Variants in PDXDC1 observed in about 807,000 individuals in gnomAD.
PDXDC1 encodes the protein pyridoxal-dependent decarboxylase domain-containing protein 1.
PDXDC1 carries 42 observed loss-of-function variants against 100.1 expected under a neutral mutation model. The observed-to-expected ratio is 0.42, with a 90% CI of 0.33 to 0.54. The LOEUF is 0.54. Among genes scored for constraint, PDXDC1 ranks in the 20% least tolerant of loss-of-function variants. The pLI, the probability that PDXDC1 is intolerant of heterozygous loss-of-function variation, is 0.10. For missense variants in PDXDC1, 636 were observed against 979.2 expected, an observed-to-expected ratio of 0.65 and a Z score of 4.68; for synonymous variants, 260 against 371.7, an observed-to-expected ratio of 0.70 and a Z score of 3.46.
intron 5 of PDXDC1, among the ~76,000 whole-genome samples, chr16:15,005,435 CA>C (rs2151394428): frequency 6.6e-6 from 1 of 152,388 alleles, no homozygotes; most frequent in South Asian, 2.1e-4. Context: ...CAGTAGGAGA[CA>C]TAGGACTAGT....
chr16:15,146,265 A>G, the PDXDC1 span, among the ~76,000 whole-genome samples: 1 of 152,102 alleles, frequency 6.6e-6, no homozygotes, highest in South Asian at 2.1e-4. Flanking sequence ...TCGAGGCTCA[A>G]GCTTGGCACA....
At chr16:15,101,231 G>A (rs751919556) in intron 16 of PDXDC1, among the ~76,000 whole-genome samples, 3 of 152,200 alleles carry the variant, frequency 2.0e-5, no homozygotes, top group Non-Finnish European at 4.4e-5. Context: ...CTGTAAATAT[G>A]AAATATACTA....
At chr16:15,016,683 T>C (rs528199260) in intron 9 of PDXDC1, among the ~76,000 whole-genome samples, 79 of 152,362 alleles carry the variant, frequency 5.2e-4, no homozygotes, top group Non-Finnish European at 9.6e-4. Flanking sequence ...TGGTGTCTCC[T>C]CCCCACAAAG....
Position 15,007,264 on chromosome 16 carries a change from G to A in PDXDC1, c.579+681G>A, listed in dbSNP as rs373278606. On this transcript the variant is annotated intron_variant, in intron 6 of 22. Transcript: ENST00000396410. ...CGGCTCACTGCAAGCTCCGCCTCCCGGATTCATGCCATTCTCCTGCCTCAG... is the reference window on the plus strand; with the variant it reads ...CGGCTCACTGCAAGCTCCGCCTCCCAGATTCATGCCATTCTCCTGCCTCAG... 1.9e-4 allele frequency among the ~76,000 whole-genome samples: 28 copies of A among 145,558 alleles called. No homozygotes were observed. The Middle Eastern group carries it at 0.011, about 59-fold the overall frequency.
chr16:15,066,712 A>C (rs1464453414), intron 16 of PDXDC1, among the ~76,000 whole-genome samples: 2 of 151,602 alleles, frequency 1.3e-5, no homozygotes, highest in Admixed American at 6.6e-5. Flanking sequence ...CCAGAACATA[A>C]CACAGCAGTT....
intron 16 of PDXDC1, among the ~76,000 whole-genome samples, chr16:15,030,544 C>CAAA (rs1156634836): frequency 0.029 from 1,095 of 38,206 alleles, 126 homozygotes; most frequent in East Asian, 0.14. Context: ...GACTCCATCT[C>CAAA]AAAAAAAAAA....
chr16:15,087,472 C>A (rs567427057), intron 16 of PDXDC1, among the ~76,000 whole-genome samples: 2 of 152,216 alleles, frequency 1.3e-5, no homozygotes, highest in Non-Finnish European at 2.9e-5. Flanking sequence ...CCGTCCCACA[C>A]GCCTCCCTAT....
In PDXDC1 at chr16:15,038,104, G is replaced by A. The variant is rs772288495; in HGVS notation, c.*1829G>A. The A allele has an allele frequency of 3.0e-5, 48 of 1,612,526 alleles. No individual in the cohort carries two copies. The highest frequency in any genetic ancestry group is 3.9e-5 in the Non-Finnish European group (46 of 1,178,778). On this transcript the variant is annotated 3_prime_UTR_variant, in exon 23 of 23. Transcript: ENST00000396410. ...TTTGTAGAGTAGGGCTTTATTTCCA[G>A]AAAACAGTGTGTGAGCTGGAGATGG...
chr16:15,018,109 CGTA>C (rs1257453832), intron 11 of PDXDC1, among the ~76,000 whole-genome samples: 1 of 144,606 alleles, frequency 6.9e-6, no homozygotes, highest in Non-Finnish European at 1.5e-5. Flanking sequence ...TTTTTTTAAT[CGTA>C]GTTGTGGGCC....
chr16:15,030,716 G>C (rs1008434997), intron 16 of PDXDC1, among the ~76,000 whole-genome samples: 25 of 151,526 alleles, frequency 1.6e-4, no homozygotes, highest in Non-Finnish European at 1.0e-4. Context: ...CCGAGGAGTT[G>C]GGACCACAGG....
At chr16:15,007,372 C>G (rs2040872942) in intron 6 of PDXDC1, among the ~76,000 whole-genome samples, 1 of 152,228 alleles carries the variant, frequency 6.6e-6, no homozygotes, top group Non-Finnish European at 1.5e-5. Context: ...GATGGGGTTT[C>G]ACCGTGTTAG....
At chr16:15,150,347 C>T in the PDXDC1 span, among the ~76,000 whole-genome samples, 21 of 141,210 alleles carry the variant, frequency 1.5e-4, no homozygotes, top group South Asian at 2.4e-4. Flanking sequence ...TCTCAAATAA[C>T]AATAAATAAA....
chr16:15,131,219 C>T (rs2048039797), intron 16 of PDXDC1: 2 of 1,590,494 alleles, frequency 1.3e-6, no homozygotes, highest in Non-Finnish European at 1.7e-6. Flanking sequence ...TGGCCCCGGG[C>T]AGCCCAGTCC....
intron 16 of PDXDC1, among the ~76,000 whole-genome samples, chr16:15,050,802 C>G (rs117260760): frequency 0.011 from 1,720 of 152,204 alleles, 16 homozygotes; most frequent in Non-Finnish European, 0.018. Flanking sequence ...TGATTACTTA[C>G]ATGGTGTTTT....
intron 2 of PDXDC1, among the ~76,000 whole-genome samples, chr16:14,998,042 T>G (rs1407227716): frequency 2.4e-4 from 36 of 152,288 alleles, no homozygotes; most frequent in African/African-American, 7.7e-4. Context: ...TTCTGTCTAT[T>G]AAGAGTTTCA....
downstream of PDXDC1, among the ~76,000 whole-genome samples, chr16:15,139,894 G>A (rs959299532): frequency 2.6e-5 from 4 of 152,030 alleles, no homozygotes; most frequent in African/African-American, 7.2e-5. Context: ...TCAAGAGATC[G>A]AGACCATCCT....
chr16:15,040,398 GA>G, downstream of PDXDC1: 1 of 286,310 alleles, frequency 3.5e-6, no homozygotes, highest in Non-Finnish European at 6.4e-6. Context: ...GTGGCTGGGT[GA>G]ACTGTGATCG....
intron 16 of PDXDC1, chr16:15,130,249 C>T (rs1376749973): frequency 5.8e-6 from 9 of 1,548,274 alleles, no homozygotes; most frequent in Admixed American, 3.9e-5. Flanking sequence ...AGGCTGGCGC[C>T]GAAGGCGGTG....
In PDXDC1 at chr16:14,988,884, G is replaced by C. The variant is rs557890059; in HGVS notation, c.22-8869G>C. On this transcript the variant is annotated intron_variant, in intron 1 of 22. Transcript: ENST00000396410. The stretch of plus-strand genomic sequence containing the variant: ...CTGGAGGGTCAGCCTCCACAGGTCA[G>C]AGAGCTGCAGGATCTGCTGGACGGA... 8 of 1,613,858 alleles carry C rather than the reference G, an allele frequency of 5.0e-6. No individual in the cohort carries two copies. The East Asian group carries it at 1.6e-4, about 31-fold the overall frequency.
Sources: gnomAD v4.1 joint callset for allele counts (sites outside exome capture counted in the v4.1 genomes callset) on GRCh38, gnomAD v4.1.1 for gene constraint, MANE v1.5 for transcripts, NCBI Gene and HGNC (gene_info 2026-07-23, HGNC 2026-07-21) for gene names.